PCDHA12: variants seen among roughly 807,000 people sequenced by gnomAD.
The protein encoded by PCDHA12 is protocadherin alpha 12.
Under a neutral mutation model 60.0 loss-of-function variants are expected in PCDHA12, and 44 were observed. That is an observed-to-expected ratio of 0.73 (90% CI 0.58 to 0.94). PCDHA12 has a LOEUF of 0.94. Among genes scored for constraint, PCDHA12 ranks in the 40% least tolerant of loss-of-function variants. The pLI, the probability that PCDHA12 is intolerant of heterozygous loss-of-function variation, is 0.00. For missense variants in PCDHA12, 1,276 were observed against 1,239.7 expected, an observed-to-expected ratio of 1.03 and a Z score of -0.44; for synonymous variants, 569 against 553.0, an observed-to-expected ratio of 1.03 and a Z score of -0.40.
At chr5:141,007,395 CAA>C (rs35800918) in intron 3 of PCDHA12, among the ~76,000 whole-genome samples, 1,140 of 94,858 alleles carry the variant, frequency 0.012, 9 homozygotes, top group South Asian at 0.036. Context: ...TACTAAAATA[CAA>C]AAAAAAAAAA....
rs1256665914 is a variant in PCDHA12 at position 140,917,331 on chromosome 5, G to A, written c.2367+39492G>A. On this transcript the variant is annotated intron_variant, in intron 1 of 3. Transcript: ENST00000398631. ...AATTTGGTGTTCATGTGGCGGGGGA[G>A]GGGGGGGATGGTGTAGGCTTCTGTT... Among the ~76,000 whole-genome samples the A allele has an allele frequency of 5.8e-5, 8 of 137,654 alleles. 1 individual carries two copies. The East Asian group carries it at 6.7e-4, about 12-fold the overall frequency. 90.3% of individuals were successfully genotyped at this position (137,654 alleles called of 152,430 possible).
chr5:140,917,806 A>G (rs921651411), intron 1 of PCDHA12, among the ~76,000 whole-genome samples: 45 of 151,888 alleles, frequency 3.0e-4, no homozygotes, highest in Admixed American at 2.9e-3. Context: ...GCCTTGCAGT[A>G]TAGTTGAAGT....
rs782025005 is a variant in PCDHA12 at position 140,982,513 on chromosome 5, G to C, written c.2465G>C (p.Gly822Ala). 83 of 1,614,076 alleles carry C rather than the reference G, an allele frequency of 5.1e-5. No homozygotes were observed. The highest frequency in any genetic ancestry group is 6.4e-5 in the Non-Finnish European group (75 of 1,180,040). ...GAGGAGGCTGGCATTCTACGGGCTG[G>C]TCCAGGAGGGCCTGATCAGCAGTGG... The part of the protein sequence containing the change: ...HLEEAGILRA[G>A]PGGPDQQWPT... The change falls in exon 3 of 4, where the codon GGT becomes GCT. Residue 822 changes from glycine (G) to alanine (A), a missense_variant. Transcript: ENST00000398631.
chr5:141,006,726 A>G (rs2098284944), intron 3 of PCDHA12, among the ~76,000 whole-genome samples: 1 of 152,172 alleles, frequency 6.6e-6, no homozygotes, highest in African/African-American at 2.4e-5. Flanking sequence ...CAGAAATGAC[A>G]GGTCTTGATG....
chr5:140,934,152 T>C (rs2089672287), intron 1 of PCDHA12, among the ~76,000 whole-genome samples: 1 of 152,190 alleles, frequency 6.6e-6, no homozygotes. Context: ...TATATGTTTA[T>C]ATTTCAGTGT....
Position 141,009,910 on chromosome 5 carries a change from C to G in PCDHA12, c.2799C>G (p.Asn933Lys), listed in dbSNP as rs1554262551. ...CCCAGGAGAAAAAAGAGAAAGGGAA[C>G]AGCACGACTGACAACAGTGACCAGT... The part of the protein sequence containing the change: ...NKTQEKKEKG[N>K]STTDNSDQ Residue 933 changes from asparagine to lysine, a missense_variant, in exon 4 of 4, where the codon AAC (asparagine) becomes AAG (lysine). Physicochemically the swap from Asn to Lys is moderately conservative, Grantham distance 94 (BLOSUM62 0). Transcript: ENST00000398631. 28 of 1,612,616 alleles carry G rather than the reference C, an allele frequency of 1.7e-5. No homozygotes were observed. Among genetic ancestry groups the G allele is most frequent in the African/African-American group, 5.4e-5 (4 of 74,736 alleles).
At chr5:140,883,296 TA>T (rs1389927639) in intron 1 of PCDHA12, 1 of 1,613,994 alleles carries the variant, frequency 6.2e-7, no homozygotes, top group African/African-American at 1.3e-5. Flanking sequence ...GTACTAGATG[TA>T]AATGATAACG....
At chr5:140,929,317 A>G in intron 1 of PCDHA12, 1 of 1,549,080 alleles carries the variant, frequency 6.5e-7, no homozygotes, top group South Asian at 1.2e-5. Flanking sequence ...CGCTAATGTC[A>G]ATGCCATGGT....
In PCDHA12 at chr5:141,011,530, T is replaced by C. The variant is rs1427621980; in HGVS notation, c.*1593T>C. 7 of 153,810 alleles carry C rather than the reference T, an allele frequency of 4.6e-5. No individual in the cohort carries two copies. The highest frequency in any genetic ancestry group is 1.7e-4 in the African/African-American group (7 of 41,470). The allele number at this position is 153,810 out of a possible 1,614,324, so 9.5% of individuals were successfully genotyped here. Reference sequence around the variant, plus strand: ...TGGAGTAGTGTTTTTTTAACCATTGTTAATCAGCTTTTGTGTATGAAAGAC... The same window carrying C: ...TGGAGTAGTGTTTTTTTAACCATTGCTAATCAGCTTTTGTGTATGAAAGAC... On this transcript the variant is annotated 3_prime_UTR_variant, in exon 4 of 4. Transcript: ENST00000398631.
intron 1 of PCDHA12, chr5:140,928,696 C>G: frequency 6.2e-7 from 1 of 1,614,146 alleles, no homozygotes. Flanking sequence ...CCACATCTCC[C>G]GGGCGTCTGA....
intron 3 of PCDHA12, among the ~76,000 whole-genome samples, chr5:140,995,493 G>T (rs1427672474): frequency 6.6e-6 from 1 of 152,148 alleles, no homozygotes; most frequent in Non-Finnish European, 1.5e-5. Flanking sequence ...TCAGACTAAG[G>T]TTGACTGTGG....
In PCDHA12 at chr5:140,877,443, C is replaced by G. The variant is rs376417721; in HGVS notation, c.1971C>G (p.Pro657=). Residue 657 remains proline, a synonymous_variant, in exon 1 of 4, where the codon CCC becomes CCG. Coordinates refer to ENST00000398631, the MANE Select transcript of PCDHA12 (RefSeq NM_018903.4). ...LLVLVKDHGE[P]ALTSTATVLV... is the part of the protein sequence containing the mutation. ...TGCTGGTGAAGGACCACGGTGAGCCCGCGCTGACGTCCACGGCCACGGTGC... is the reference window on the plus strand; with the variant it reads ...TGCTGGTGAAGGACCACGGTGAGCCGGCGCTGACGTCCACGGCCACGGTGC... 9.3e-6 allele frequency: 15 copies of G among 1,613,726 alleles called. No homozygotes were observed. Among genetic ancestry groups the G allele is most frequent in the African/African-American group, 1.3e-5 (1 of 74,926 alleles).
At chr5:140,909,025 T>C (rs1226589511) in intron 1 of PCDHA12, among the ~76,000 whole-genome samples, 1 of 152,156 alleles carries the variant, frequency 6.6e-6, no homozygotes, top group African/African-American at 2.4e-5. Context: ...TGAATTTTAG[T>C]CATTTATTTT....
rs530119651 is a variant in PCDHA12, at chr5:140,965,991, T to A, written c.2368-12958T>A. ...CCTAGGAGTTGAGCACTTTCTGCAG[T>A]ACTTAAGAGTGTCCAGGGAAGATGT... On this transcript the variant is annotated intron_variant, in intron 1 of 3. Transcript: ENST00000398631. Among the ~76,000 whole-genome samples, 253 of 152,310 alleles carry A rather than the reference T, an allele frequency of 1.7e-3. 2 individuals carry two copies. Among genetic ancestry groups the A allele is most frequent in the Non-Finnish European group, 2.4e-3 (164 of 68,034 alleles).
intron 1 of PCDHA12, among the ~76,000 whole-genome samples, chr5:140,938,157 G>C (rs532966795): frequency 6.6e-6 from 1 of 152,022 alleles, no homozygotes; most frequent in African/African-American, 2.4e-5. Context: ...CATTGCCCAG[G>C]CTAGTCTGGA....
chr5:140,919,558 TAA>T (rs879969388), intron 1 of PCDHA12, among the ~76,000 whole-genome samples: 1 of 152,210 alleles, frequency 6.6e-6, no homozygotes, highest in Non-Finnish European at 1.5e-5. Flanking sequence ...TGATTTATAT[TAA>T]GTGAATATTT....
intron 1 of PCDHA12, chr5:140,927,217 A>C: frequency 6.2e-7 from 1 of 1,614,082 alleles, no homozygotes; most frequent in Non-Finnish European, 8.5e-7. Context: ...GGAGCTGCAC[A>C]AGATTCGGAT....
At chr5:140,944,089 A>G (rs2093608705) in intron 1 of PCDHA12, among the ~76,000 whole-genome samples, 2 of 152,250 alleles carry the variant, frequency 1.3e-5, no homozygotes, top group Non-Finnish European at 1.5e-5. Context: ...AGGCCTGAGT[A>G]AGTTTATATC....
intron 3 of PCDHA12, among the ~76,000 whole-genome samples, chr5:141,007,668 G>C (rs556655396): frequency 6.6e-6 from 1 of 152,262 alleles, no homozygotes; most frequent in East Asian, 1.9e-4. Context: ...AATTTACAAA[G>C]ACAAAAGTTA....
Sources: gnomAD v4.1 joint callset for allele counts (sites outside exome capture counted in the v4.1 genomes callset) on GRCh38, gnomAD v4.1.1 for gene constraint, MANE v1.5 for transcripts, NCBI Gene and HGNC (gene_info 2026-07-23, HGNC 2026-07-21) for gene names.